The following ANK2 variants were observed in gnomAD, a reference collection of about 807,000 sequenced individuals.
ANK2 encodes ankyrin 2, also known as ankyrin-2.
ANK2 carries 83 observed loss-of-function variants against 360.5 expected under a neutral mutation model. That is an observed-to-expected ratio of 0.23 (90% confidence interval 0.19 to 0.28). ANK2 has a LOEUF of 0.28. ANK2 is among the 10% of genes least tolerant of loss of function. ANK2 has a pLI of 1.00. For missense variants in ANK2, 4,201 were observed against 4,795.7 expected (o/e 0.88, Z 3.66); for synonymous variants, 1,740 against 1,759.5 (o/e 0.99, Z 0.28).
intron 1 of ANK2, among the ~76,000 whole-genome samples, chr4:113,058,607 A>G (rs2154331996): frequency 6.6e-6 from 1 of 152,174 alleles, no homozygotes; most frequent in South Asian, 2.1e-4. Flanking sequence ...AGATGTTCTA[A>G]ATGCTTGCCC....
intron 1 of ANK2, among the ~76,000 whole-genome samples, chr4:113,135,751 C>T (rs796917550): frequency 6.6e-5 from 10 of 152,236 alleles, no homozygotes; most frequent in African/African-American, 2.4e-4. Context: ...TGGCCATTGG[C>T]ATTTTTGTTC....
intron 2 of ANK2, among the ~76,000 whole-genome samples, chr4:112,996,865 G>A (rs565262931): frequency 3.4e-4 from 51 of 151,838 alleles, no homozygotes; most frequent in South Asian, 1.5e-3. Context: ...ATTTTTGTAC[G>A]CATTAACTGT....
At chr4:113,044,754 C>A (rs1228092163), upstream of ANK2, among the ~76,000 whole-genome samples, 1 of 152,146 alleles carries the variant, frequency 6.6e-6, no homozygotes, top group Non-Finnish European at 1.5e-5. Flanking sequence ...CTGTGTGTCT[C>A]TACATCTAGT....
At position 113,358,174 on chromosome 4, in the gene ANK2, G is replaced by A. The variant is rs759441164; in HGVS notation, c.9556G>A (p.Val3186Met). The change falls in exon 38 of 46, where the codon GTG becomes ATG. Residue 3186 changes from valine to methionine, a missense_variant. By Grantham distance (21) the Val-to-Met change is conservative. Around this residue, in one of 4 missense-constraint regions of ANK2, gnomAD observed 2,642 missense variants for 2,714.5 expected, o/e 0.97. Transcript: ENST00000357077. ...TGAGGCAGACTTACTTCCAGATGAC[G>A]TGAGTGAGGAAGTAGAGGAAATACC... The part of the protein sequence containing the change: ...DDEADLLPDD[V>M]SEEVEEIPAS... The A allele has an allele frequency of 1.2e-5, 20 of 1,613,906 alleles. 1 individual carries two copies. Among genetic ancestry groups the A allele is most frequent in the African/African-American group, 8.0e-5 (6 of 74,902 alleles).
chr4:113,087,059 G>A (rs1417292255), intron 1 of ANK2, among the ~76,000 whole-genome samples: 1 of 152,158 alleles, frequency 6.6e-6, no homozygotes, highest in East Asian at 1.9e-4. Flanking sequence ...TAGGCACATA[G>A]ATGTATAAGC....
At chr4:112,833,085 T>A (rs955054066) in intron 1 of ANK2, among the ~76,000 whole-genome samples, 5 of 152,246 alleles carry the variant, frequency 3.3e-5, no homozygotes, top group African/African-American at 1.2e-4. Flanking sequence ...AAGGTGGTCT[T>A]ACTTTCAGTT....
At chr4:112,763,973 T>G in the ANK2 span, among the ~76,000 whole-genome samples, 6 of 152,242 alleles carry the variant, frequency 3.9e-5, no homozygotes, top group East Asian at 1.2e-3. Flanking sequence ...AGAGGGAGTC[T>G]GGCTCTGTCG....
intron 1 of ANK2, among the ~76,000 whole-genome samples, chr4:113,139,382 C>T (rs900373599): frequency 1.3e-5 from 2 of 152,166 alleles, no homozygotes; most frequent in African/African-American, 4.8e-5. Flanking sequence ...TATACTCTGG[C>T]TTAGGCTTCA....
At chr4:112,953,221 G>A (rs2095139558) in intron 2 of ANK2, among the ~76,000 whole-genome samples, 1 of 152,160 alleles carries the variant, frequency 6.6e-6, no homozygotes, top group Non-Finnish European at 1.5e-5. Flanking sequence ...TTATTAATCT[G>A]GATTTCCACT....
intron 5 of ANK2, 66 bp from the exon 6 acceptor site, chr4:113,236,921 T>C: frequency 6.6e-7 from 1 of 1,506,070 alleles, no homozygotes; most frequent in Middle Eastern, 1.7e-4. Context: ...GAGGCATCAT[T>C]GCTTAGAACT....
intron 17 of ANK2, among the ~76,000 whole-genome samples, chr4:113,281,375 CA>C (rs1457227297): frequency 6.6e-6 from 1 of 151,650 alleles, no homozygotes; most frequent in African/African-American, 2.4e-5. Flanking sequence ...CCATCTCTAC[CA>C]AAAATACAAA....
chr4:112,719,071 G>A, the ANK2 span, among the ~76,000 whole-genome samples: 1 of 152,226 alleles, frequency 6.6e-6, no homozygotes, highest in Non-Finnish European at 1.5e-5. Context: ...TACTAACTGA[G>A]CTCTGTGTGT....
chr4:113,238,487 G>A (rs956934554), intron 7 of ANK2, among the ~76,000 whole-genome samples: 14 of 152,086 alleles, frequency 9.2e-5, no homozygotes, highest in African/African-American at 2.4e-4. Context: ...GTTCCCTATC[G>A]TTGCATGGAA....
At chr4:113,340,312 G>A (rs1195504663) in intron 32 of ANK2, among the ~76,000 whole-genome samples, 1 of 152,204 alleles carries the variant, frequency 6.6e-6, no homozygotes, top group African/African-American at 2.4e-5. Context: ...AAGTGAAAAA[G>A]AGAATAACAT....
In ANK2 at chr4:113,021,541, C is replaced by CACACACACACACACATATATAT. The variant is rs1489947974; in HGVS notation, c.21+117028_21+117029insCACACACACACACATATATATA. On this transcript the variant is annotated intron_variant, in intron 2 of 30. Transcript: ENST00000503271. ...ATACACACACACACCCACACACAAA[C>CACACACACACACACATATATAT]ATATATATATATATATATATATATA... is the stretch of plus-strand genomic sequence containing the variant. 2.2e-3 allele frequency among the ~76,000 whole-genome samples: 212 copies of CACACACACACACACATATATAT among 95,624 alleles called. 9 individuals carry two copies. Among genetic ancestry groups the CACACACACACACACATATATAT allele is most frequent in the Non-Finnish European group, 2.9e-3 (127 of 44,128 alleles). 62.7% of individuals were successfully genotyped at this position (95,624 alleles called of 152,430 possible).
chr4:112,939,350 C>T (rs2094012668), intron 2 of ANK2, among the ~76,000 whole-genome samples: 1 of 152,136 alleles, frequency 6.6e-6, no homozygotes, highest in African/African-American at 2.4e-5. Flanking sequence ...ACTCTTGTTG[C>T]CCAGGCTGGA....
chr4:113,237,971 G>A (rs2099396625), intron 7 of ANK2, among the ~76,000 whole-genome samples: 1 of 152,150 alleles, frequency 6.6e-6, no homozygotes, highest in Non-Finnish European at 1.5e-5. Flanking sequence ...AGAGTTTTAA[G>A]GAAGTGAAAA....
intron 2 of ANK2, among the ~76,000 whole-genome samples, chr4:112,958,957 T>C (rs2033099512): frequency 7.2e-5 from 11 of 152,074 alleles, no homozygotes; most frequent in Admixed American, 7.2e-4. Context: ...CCAGCAATTC[T>C]CCTGCCTCAG....
At chr4:113,341,584 C>G in intron 32 of ANK2, 104 bp from the exon 33 acceptor site, 1 of 1,213,914 alleles carries the variant, frequency 8.2e-7, no homozygotes, top group Non-Finnish European at 1.2e-6. Context: ...TCCTTTTTTC[C>G]AAGAAGCATT....
Sources: allele counts gnomAD v4.1 joint callset (sites outside exome capture counted in the v4.1 genomes callset), GRCh38; gene constraint gnomAD v4.1.1; regional missense constraint gnomAD v4.1.1; transcripts MANE v1.5; gene names NCBI Gene and HGNC (gene_info 2026-07-23, HGNC 2026-07-21).